Variants in C14orf39 observed in about 807,000 individuals in gnomAD.
C14orf39 encodes the protein chromosome 14 open reading frame 39.
In C14orf39, 66 loss-of-function variants were observed where a neutral mutation model predicts 85.6. The observed-to-expected ratio is 0.77, with a 90% CI of 0.63 to 0.95. The LOEUF (loss-of-function observed/expected upper bound fraction) is 0.95, where lower values mean the gene tolerates loss of function less well. Ranked by LOEUF, C14orf39 falls within the 40% of genes least tolerant of loss-of-function variation. The pLI, the probability that C14orf39 is intolerant of heterozygous loss-of-function variation, is 0.00. For missense variants in C14orf39, 735 were observed against 663.9 expected (o/e 1.11, Z -1.18); for synonymous variants, 242 against 214.0 (o/e 1.13, Z -1.14).
At chr14:60,512,008 CATAT>C in intron 1 of C14orf39, 1 of 152,494 alleles carries the variant, frequency 6.6e-6, no homozygotes, top group Non-Finnish European at 1.5e-5. Context: ...CACGTATGTG[CATAT>C]ATGTATGTAC....
chr14:60,506,443 G>T (rs1893204086), intron 1 of C14orf39, among the ~76,000 whole-genome samples: 1 of 152,168 alleles, frequency 6.6e-6, no homozygotes, highest in African/African-American at 2.4e-5. Context: ...GTGGGGTGAG[G>T]GTCACCGCCT....
At position 60,456,904 on chromosome 14, in the gene C14orf39, A is replaced by C; in HGVS notation, c.1358+13T>G. 2 of 1,547,242 alleles carry C rather than the reference A, an allele frequency of 1.3e-6. No homozygotes were observed. Among genetic ancestry groups the C allele is most frequent in the Non-Finnish European group, 1.7e-6 (2 of 1,149,872 alleles). On this transcript the variant is annotated intron_variant, in intron 15 of 17. Transcript: ENST00000321731. ...ACAAATAATTTAACAATAGTTATTAATTAAAATCCTACATTTCGAACGGGG... is the reference window on the plus strand; with the variant it reads ...ACAAATAATTTAACAATAGTTATTACTTAAAATCCTACATTTCGAACGGGG...
chr14:60,443,372 C>T (rs1282660591), intron 16 of C14orf39, among the ~76,000 whole-genome samples: 1 of 152,242 alleles, frequency 6.6e-6, no homozygotes, highest in Non-Finnish European at 1.5e-5. Context: ...GAGATTCCCT[C>T]CCGTGCCTGG....
chr14:60,447,292 T>C (rs1198374504), intron 16 of C14orf39, among the ~76,000 whole-genome samples: 1 of 152,372 alleles, frequency 6.6e-6, no homozygotes, highest in East Asian at 1.9e-4. Context: ...ATTGTATATT[T>C]AGAAAAGCCC....
At chr14:60,480,801 GACA>G (rs1892605029) in intron 4 of C14orf39, among the ~76,000 whole-genome samples, 1 of 152,094 alleles carries the variant, frequency 6.6e-6, no homozygotes, top group African/African-American at 2.4e-5. Context: ...TGTCATTCAA[GACA>G]ACATAAATGG....
intron 13 of C14orf39, among the ~76,000 whole-genome samples, chr14:60,461,090 GA>G (rs1294850646): frequency 2.6e-5 from 4 of 151,716 alleles, no homozygotes; most frequent in African/African-American, 7.2e-5. Flanking sequence ...AAAATGCATA[GA>G]AAAAAATGGT....
intron 10 of C14orf39, 64 bp from the exon 11 acceptor site, chr14:60,466,119 T>A: frequency 3.0e-6 from 2 of 670,364 alleles, no homozygotes; most frequent in Non-Finnish European, 4.6e-6. Context: ...TCTTCCCCAA[T>A]GTTTAACCTA....
At chr14:60,462,328 A>T (rs1891570508) in intron 11 of C14orf39, among the ~76,000 whole-genome samples, 1 of 152,142 alleles carries the variant, frequency 6.6e-6, no homozygotes, top group South Asian at 2.1e-4. Context: ...TTTCAAGGCT[A>T]CAGTGAGCCA....
intron 1 of C14orf39, among the ~76,000 whole-genome samples, chr14:60,507,947 T>C (rs1893227708): frequency 6.6e-6 from 1 of 152,182 alleles, no homozygotes. Flanking sequence ...ATGGTTTCTT[T>C]GACCCAGGCC....
intron 11 of C14orf39, among the ~76,000 whole-genome samples, chr14:60,463,370 A>T (rs995196278): frequency 6.6e-6 from 1 of 151,870 alleles, no homozygotes; most frequent in African/African-American, 2.4e-5. Flanking sequence ...TTGTCTTTTA[A>T]CTTTGTTAGT....
chr14:60,471,286 T>C (rs2140121646), intron 7 of C14orf39, 131 bp downstream of exon 7: 1 of 809,188 alleles, frequency 1.2e-6, no homozygotes, highest in South Asian at 1.8e-5. Context: ...CCTTTAAAAT[T>C]ACTTTTTAAA....
intron 16 of C14orf39, among the ~76,000 whole-genome samples, chr14:60,443,462 G>C (rs911281343): frequency 6.6e-6 from 1 of 152,166 alleles, no homozygotes; most frequent in East Asian, 1.9e-4. Context: ...CTGCAGCCTG[G>C]CAGGGGGAGG....
intron 7 of C14orf39, among the ~76,000 whole-genome samples, chr14:60,470,824 G>C (rs1336641868): frequency 1.3e-5 from 2 of 151,930 alleles, no homozygotes; most frequent in Non-Finnish European, 2.9e-5. Context: ...AGCATATGAA[G>C]GATTGTGGAG....
intron 16 of C14orf39, 46 bp downstream of exon 16, chr14:60,454,955 T>C (rs1262175): frequency 1 from 1,411,425 of 1,411,692 alleles, 705,583 homozygotes; most frequent in Admixed American, 1. Context: ...ACTCAAAGTT[T>C]CACAGCAGAA....
chr14:60,442,819 C>T (rs1890585682), intron 16 of C14orf39, among the ~76,000 whole-genome samples: 1 of 152,106 alleles, frequency 6.6e-6, no homozygotes, highest in South Asian at 2.1e-4. Flanking sequence ...AAGCTGTTTT[C>T]TCATAGATTT....
intron 16 of C14orf39, among the ~76,000 whole-genome samples, chr14:60,445,493 T>A (rs1890721562): frequency 6.6e-6 from 1 of 152,138 alleles, no homozygotes; most frequent in Non-Finnish European, 1.5e-5. Flanking sequence ...GATAAAGGGA[T>A]CAATTCAACA....
rs771499718 is a variant in C14orf39, at chr14:60,461,525, T to C, written c.1041A>G (p.Gln347=). The C allele has an allele frequency of 1.5e-5, 24 of 1,592,244 alleles. No individual in the cohort carries two copies. The Admixed American group carries it at 4.3e-4, about 29-fold the overall frequency. The change falls in exon 12 of 18, where the codon CAA becomes CAG. Residue 347 remains glutamine, a synonymous_variant. Coordinates refer to ENST00000321731, the MANE Select transcript of C14orf39 (RefSeq NM_174978.3). ...CSHITTITSS[Q]KFMQVRLLTP... Reference sequence around the variant, plus strand: ...AAAGTTACCTGACTTGCATAAACTTTTGTGAACTTGTGATAGTCGTAATAT... The same window carrying C: ...AAAGTTACCTGACTTGCATAAACTTCTGTGAACTTGTGATAGTCGTAATAT...
intron 11 of C14orf39, 68 bp from the exon 12 acceptor site, chr14:60,461,661 G>A: frequency 1.2e-6 from 1 of 861,232 alleles, no homozygotes; most frequent in Admixed American, 2.8e-5. Flanking sequence ...CTTGTCGTTA[G>A]CAACTCAGAA....
chr14:60,457,090 T>G lies in C14orf39; in HGVS notation c.1185A>C (p.Ile395=), dbSNP rs750699749. Residue 395 remains isoleucine, a synonymous_variant, in exon 15 of 18, where the codon ATA becomes ATC. Transcript: ENST00000321731. ...CTGACTTCCCAAAATGTTCAGTATA[T>G]ATAGCCTGCAAATTCAAAGTAACAG... ...VRESKCTSQA[I]YTEHFGKSVE... is the part of the protein sequence containing the mutation. The G allele has an allele frequency of 4.5e-6, 7 of 1,549,434 alleles. No individual in the cohort carries two copies. The South Asian group carries it at 6.1e-5, about 14-fold the overall frequency.
Sources: gnomAD v4.1 joint callset for allele counts (sites outside exome capture counted in the v4.1 genomes callset) on GRCh38, gnomAD v4.1.1 for gene constraint, MANE v1.5 for transcripts, NCBI Gene and HGNC (gene_info 2026-07-23, HGNC 2026-07-21) for gene names.